Variants in ARHGEF28 observed in about 807,000 individuals in gnomAD.
ARHGEF28 encodes the protein 190 kDa guanine nucleotide exchange factor.
ARHGEF28 carries 152 observed loss-of-function variants against 206.6 expected under a neutral mutation model. That is an observed-to-expected ratio of 0.74 (90% CI 0.64 to 0.84). The LOEUF (loss-of-function observed/expected upper bound fraction) is 0.84, where lower values mean the gene tolerates loss of function less well. ARHGEF28 is among the 40% of genes least tolerant of loss of function. ARHGEF28 has a pLI of 0.00. For missense variants in ARHGEF28, 2,028 were observed against 2,073.2 expected (o/e 0.98, Z 0.42); for synonymous variants, 763 against 776.4 (o/e 0.98, Z 0.29).
intron 9 of ARHGEF28, 96 bp from the exon 10 acceptor site, chr5:73,832,242 A>T: frequency 7.1e-7 from 1 of 1,417,720 alleles, no homozygotes; most frequent in Non-Finnish European, 9.4e-7. Context: ...TAAAAAATGC[A>T]CTTGACTTTT....
intron 3 of ARHGEF28, among the ~76,000 whole-genome samples, chr5:73,751,061 A>G (rs1318696539): frequency 1.3e-5 from 2 of 152,190 alleles, no homozygotes; most frequent in East Asian, 1.9e-4. Context: ...AATTTTAAGC[A>G]CTTCTGTCTT....
At chr5:73,823,971 T>G (rs964731359) in intron 9 of ARHGEF28, among the ~76,000 whole-genome samples, 2 of 152,296 alleles carry the variant, frequency 1.3e-5, no homozygotes, top group Non-Finnish European at 2.9e-5. Flanking sequence ...AGCACCATAG[T>G]TATGTTAGCT....
intron 4 of ARHGEF28, among the ~76,000 whole-genome samples, chr5:73,761,197 C>T (rs549030768): frequency 9.2e-5 from 14 of 152,226 alleles, no homozygotes; most frequent in East Asian, 3.9e-4. Context: ...TTTGCTTGCA[C>T]GCAGAGGATT....
chr5:73,795,593 A>G (rs560805097), intron 9 of ARHGEF28: 1 of 491,586 alleles, frequency 2.0e-6, no homozygotes, highest in Non-Finnish European at 3.5e-6. Context: ...TTACAATCTA[A>G]AAAACAAGGC....
chr5:73,762,315 GC>G (rs1397325620), intron 4 of ARHGEF28, among the ~76,000 whole-genome samples: 2 of 151,648 alleles, frequency 1.3e-5, no homozygotes, highest in African/African-American at 2.4e-5. Flanking sequence ...AATTAGCCAG[GC>G]GTGGTGGTGC....
At chr5:73,859,796 C>T (rs897108121) in intron 16 of ARHGEF28, among the ~76,000 whole-genome samples, 5 of 152,114 alleles carry the variant, frequency 3.3e-5, no homozygotes, top group Non-Finnish European at 7.4e-5. Context: ...GACTTGTGGA[C>T]TTGAGCCCTT....
intron 4 of ARHGEF28, among the ~76,000 whole-genome samples, chr5:73,755,781 A>G (rs1163854559): frequency 3.9e-5 from 6 of 152,166 alleles, no homozygotes; most frequent in African/African-American, 1.4e-4. Context: ...GTCGAGGGCC[A>G]TCCTATTGCC....
At chr5:73,760,508 A>G (rs952716147) in intron 4 of ARHGEF28, among the ~76,000 whole-genome samples, 2 of 152,084 alleles carry the variant, frequency 1.3e-5, no homozygotes, top group African/African-American at 2.4e-5. Context: ...CTGGTAGTAT[A>G]CTCCTTCTGT....
intron 2 of ARHGEF28, among the ~76,000 whole-genome samples, chr5:73,722,311 G>A (rs1261152193): frequency 6.6e-6 from 1 of 152,190 alleles, no homozygotes; most frequent in Non-Finnish European, 1.5e-5. Flanking sequence ...CTTACCCAGT[G>A]TGCTAAGTAT....
rs1048021704 is a variant in ARHGEF28 at position 73,870,307 on chromosome 5, C to CTA, written c.2566+100_2566+101dup. On this transcript the variant is annotated intron_variant, in intron 21 of 35. Transcript: ENST00000513042. ...TGCAGAGTTGGGTAAAATCCCAGTTCTATCATTTTCTATTTACCTGATCGC... is the reference window on the plus strand; with the variant it reads ...TGCAGAGTTGGGTAAAATCCCAGTTCTATATCATTTTCTATTTACCTGATCGC... 2.3e-5 allele frequency: 31 copies of CTA among 1,353,134 alleles called. No homozygotes were observed. In the Admixed American group the frequency reaches 2.6e-4, roughly 11 times the overall value. The allele number at this position is 1,353,134 out of a possible 1,614,324, so 83.8% of individuals were successfully genotyped here.
intron 2 of ARHGEF28, among the ~76,000 whole-genome samples, chr5:73,694,332 G>C (rs1748045499): frequency 6.6e-6 from 1 of 152,250 alleles, no homozygotes; most frequent in Admixed American, 6.5e-5. Context: ...CAGGTCCGTG[G>C]GTAAGTAAGT....
At chr5:73,894,956 G>T (rs1375738922) in intron 29 of ARHGEF28, among the ~76,000 whole-genome samples, 2 of 152,124 alleles carry the variant, frequency 1.3e-5, no homozygotes, top group African/African-American at 4.8e-5. Context: ...CAAAGGTCCT[G>T]GTGCATGGAA....
intron 3 of ARHGEF28, among the ~76,000 whole-genome samples, chr5:73,750,327 T>A (rs2112397813): frequency 6.6e-6 from 1 of 152,180 alleles, no homozygotes; most frequent in African/African-American, 2.4e-5. Context: ...AACCTCAGAC[T>A]CATTGCCAGG....
At chr5:73,681,567 A>T (rs925467695) in intron 1 of ARHGEF28, among the ~76,000 whole-genome samples, 9 of 151,922 alleles carry the variant, frequency 5.9e-5, no homozygotes, top group Non-Finnish European at 1.3e-4. Context: ...GTAACCCTAG[A>T]ACTTTGGGAG....
chr5:73,838,554 CAGA>C (rs1757800174), intron 10 of ARHGEF28, among the ~76,000 whole-genome samples: 1 of 152,164 alleles, frequency 6.6e-6, no homozygotes, highest in African/African-American at 2.4e-5. Flanking sequence ...AATTTCAGTA[CAGA>C]GAATCCCTGT....
Position 73,633,272 on chromosome 5 carries a change from G to A in ARHGEF28, c.-12+6950G>A, listed in dbSNP as rs574180245. On this transcript the variant is annotated intron_variant, in intron 1 of 35. Transcript: ENST00000513042. ...CTGGTTCCTAACAGGCCATGGACCT[G>A]TACTGGTCTTTGGCCCCAGGGGTTG... Among the ~76,000 whole-genome samples the A allele has an allele frequency of 1.8e-3, 275 of 152,292 alleles. 1 individual carries two copies. The highest frequency in any genetic ancestry group is 3.1e-3 in the Non-Finnish European group (209 of 68,022).
chr5:73,862,665 C>G (rs577735633), intron 16 of ARHGEF28, among the ~76,000 whole-genome samples: 44 of 152,120 alleles, frequency 2.9e-4, no homozygotes, highest in African/African-American at 9.4e-4. Flanking sequence ...CTTATGTTTA[C>G]TCTCCCCCGG....
chr5:73,813,723 A>G lies in ARHGEF28; in HGVS notation c.1024+18332A>G, dbSNP rs1390376060. 6.6e-6 allele frequency: 10 copies of G among 1,508,094 alleles called. No homozygotes were observed. In the Admixed American group the frequency reaches 1.8e-4, roughly 27 times the overall value. The allele number at this position is 1,508,094 out of a possible 1,614,324, so 93.4% of individuals were successfully genotyped here. A position where few individuals can be genotyped will look rare whatever the true frequency, so the allele number is the denominator to read the frequency against. On this transcript the variant is annotated intron_variant, in intron 9 of 35. Coordinates refer to ENST00000513042, the MANE Select transcript of ARHGEF28 (RefSeq NM_001177693.2). ...CTTCACGGGCAAAACCAGACATCCT[A>G]TTCTTTCTTTTCCGTGTTTCTTTGC...
intron 4 of ARHGEF28, among the ~76,000 whole-genome samples, chr5:73,770,007 C>A (rs1753133171): frequency 6.6e-6 from 1 of 152,200 alleles, no homozygotes; most frequent in African/African-American, 2.4e-5. Context: ...ATTCTTTAAT[C>A]TTCCAAGCTA....
Sources: allele counts gnomAD v4.1 joint callset (sites outside exome capture counted in the v4.1 genomes callset), GRCh38; gene constraint gnomAD v4.1.1; transcripts MANE v1.5; gene names NCBI Gene and HGNC (gene_info 2026-07-23, HGNC 2026-07-21).